CFAP61: variants seen among roughly 807,000 people sequenced by gnomAD.
CFAP61 encodes cilia and flagella associated protein 61.
Under a neutral mutation model 135.6 loss-of-function variants are expected in CFAP61, and 107 were observed. The ratio of observed to expected loss-of-function variants is 0.79; its 90% CI spans 0.67 to 0.93. The LOEUF (loss-of-function observed/expected upper bound fraction) is 0.93. CFAP61 is among the 40% of genes least tolerant of loss of function. The probability of loss-of-function intolerance (pLI) is 0.00; values close to 1 mark genes in which losing one functional copy is unlikely to be tolerated. For missense variants in CFAP61, 1,507 were observed against 1,556.2 expected (o/e 0.97, Z 0.53); for synonymous variants, 575 against 578.5 (o/e 0.99, Z 0.09).
intron 25 of CFAP61, among the ~76,000 whole-genome samples, chr20:20,331,867 G>A (rs1001430013): frequency 1.3e-5 from 2 of 152,208 alleles, no homozygotes; most frequent in African/African-American, 4.8e-5. Context: ...CTAATTAAAG[G>A]AAAATGGTTG....
chr20:20,332,759 C>T (rs558946393), intron 25 of CFAP61, among the ~76,000 whole-genome samples: 1 of 152,250 alleles, frequency 6.6e-6, no homozygotes, highest in East Asian at 1.9e-4. Flanking sequence ...GGACTACAGG[C>T]ACGCACCACC....
chr20:20,088,454 A>C (rs947593312), intron 6 of CFAP61, among the ~76,000 whole-genome samples: 1 of 152,194 alleles, frequency 6.6e-6, no homozygotes, highest in Non-Finnish European at 1.5e-5. Flanking sequence ...GGCAGCAAGA[A>C]AGAACAATGA....
intron 25 of CFAP61, among the ~76,000 whole-genome samples, chr20:20,324,224 A>G (rs1311170197): frequency 6.6e-6 from 1 of 152,200 alleles, no homozygotes; most frequent in African/African-American, 2.4e-5. Context: ...AGTAGGAAAG[A>G]TAGAAAATTG....
intron 26 of CFAP61, among the ~76,000 whole-genome samples, chr20:20,357,897 AGG>A (rs1468995167): frequency 5.4e-5 from 6 of 110,190 alleles, no homozygotes; most frequent in South Asian, 3.3e-4. Context: ...TCATAGTGTG[AGG>A]GGAGGTGGTC....
At chr20:20,056,139 C>A in intron 1 of CFAP61, 2 of 676,524 alleles carry the variant, frequency 3.0e-6, no homozygotes, top group Non-Finnish European at 5.1e-6. Context: ...CTATTGCGAG[C>A]ATTTCCTACA....
At chr20:20,118,305 CT>C (rs375138807) in intron 8 of CFAP61, among the ~76,000 whole-genome samples, 169 of 94,684 alleles carry the variant, frequency 1.8e-3, no homozygotes, top group African/African-American at 6.4e-3. Flanking sequence ...TTCTTTCTTT[CT>C]TTTCTTTCTT....
chr20:20,056,163 C>CT lies in CFAP61; in HGVS notation c.-36-449dup, dbSNP rs1454500964. On this transcript the variant is annotated intron_variant, in intron 1 of 26. Coordinates refer to ENST00000245957, the MANE Select transcript of CFAP61 (RefSeq NM_015585.4). ...GCATTTCCTACACTTAACCACAGAA[C>CT]TTTTTTGGTCTCAAAATATGTCTCA... 1.0e-5 allele frequency: 6 copies of CT among 601,578 alleles called. No homozygotes were observed. In the African/African-American group the frequency reaches 1.1e-4, roughly 11 times the overall value. The allele number at this position is 601,578 out of a possible 1,614,324, so 37.3% of individuals were successfully genotyped here.
chr20:20,080,857 C>T (rs189263042), intron 6 of CFAP61, among the ~76,000 whole-genome samples: 67 of 152,136 alleles, frequency 4.4e-4, no homozygotes, highest in Non-Finnish European at 7.9e-4. Context: ...CAAAAATTAA[C>T]TGGGCGTGGT....
chr20:20,126,007 GT>G (rs2050039289), intron 8 of CFAP61, among the ~76,000 whole-genome samples: 1 of 151,736 alleles, frequency 6.6e-6, no homozygotes, highest in African/African-American at 2.4e-5. Flanking sequence ...TTTAAAGTTT[GT>G]TTTGTCTGAT....
chr20:20,145,769 AC>A (rs2146760008), intron 9 of CFAP61, among the ~76,000 whole-genome samples: 1 of 152,346 alleles, frequency 6.6e-6, no homozygotes, highest in South Asian at 2.1e-4. Flanking sequence ...AACACAGAAT[AC>A]TATAAGAGAT....
chr20:20,314,391 C>CA (rs528868861), intron 25 of CFAP61, among the ~76,000 whole-genome samples: 4,352 of 58,750 alleles, frequency 0.074, 280 homozygotes, highest in African/African-American at 0.2. Context: ...GACCCCATCT[C>CA]AAAAAAAAAA....
chr20:20,282,763 A>G (rs1601802809), intron 22 of CFAP61, among the ~76,000 whole-genome samples: 2 of 152,094 alleles, frequency 1.3e-5, no homozygotes, highest in South Asian at 4.2e-4. Context: ...ACATGGTGAA[A>G]CCCTGTCTCC....
At chr20:20,087,243 A>G (rs1052402720) in intron 6 of CFAP61, among the ~76,000 whole-genome samples, 6 of 152,142 alleles carry the variant, frequency 3.9e-5, no homozygotes, top group African/African-American at 9.7e-5. Flanking sequence ...TCACCCAGGT[A>G]CTGAGCATAG....
Position 20,142,985 on chromosome 20 carries a change from G to A in CFAP61, c.951+37G>A, listed in dbSNP as rs757731222. On this transcript the variant is annotated intron_variant, in intron 9 of 26. Coordinates refer to ENST00000245957, the MANE Select transcript of CFAP61 (RefSeq NM_015585.4). ...TATCCCTCCATGCCTAGGGTGGGGG[G>A]ATGGGCCTGGGGGCTACCTGTGACA... 1.4e-5 allele frequency: 19 copies of A among 1,318,200 alleles called. No individual in the cohort carries two copies. In the East Asian group the frequency reaches 2.7e-4, roughly 19 times the overall value. 81.7% of individuals were successfully genotyped at this position (1,318,200 alleles called of 1,614,324 possible).
intron 6 of CFAP61, 95 bp downstream of exon 6, chr20:20,075,710 T>C: frequency 7.0e-7 from 1 of 1,418,782 alleles, no homozygotes. Context: ...TGACTATAGC[T>C]TAGATCAAAA....
chr20:20,136,627 A>T (rs2050952119), intron 8 of CFAP61, among the ~76,000 whole-genome samples: 1 of 152,190 alleles, frequency 6.6e-6, no homozygotes, highest in African/African-American at 2.4e-5. Context: ...ATCTGATAGG[A>T]TTCGAATTCC....
chr20:20,175,525 TTTTGTTTTGTTTTGTTTTG>T, intron 13 of CFAP61, among the ~76,000 whole-genome samples: 1 of 93,736 alleles, frequency 1.1e-5, no homozygotes, highest in African/African-American at 3.7e-5. Context: ...TTTTGTTTTG[TTTTGTTTTGTTTTGTTTTG>T]AGACAGAGTC....
At chr20:20,358,128 G>C (rs2059330420) in intron 26 of CFAP61, among the ~76,000 whole-genome samples, 1 of 133,144 alleles carries the variant, frequency 7.5e-6, no homozygotes. Flanking sequence ...AGGGGTGGTA[G>C]TCACACTGAG....
intron 22 of CFAP61, among the ~76,000 whole-genome samples, chr20:20,280,943 A>G (rs1377133922): frequency 2.6e-5 from 4 of 151,964 alleles, no homozygotes; most frequent in Admixed American, 2.0e-4. Flanking sequence ...GTTTTTTTTA[A>G]TTTGTGCTTT....
Sources: gnomAD v4.1 joint callset for allele counts (sites outside exome capture counted in the v4.1 genomes callset) on GRCh38, gnomAD v4.1.1 for gene constraint, MANE v1.5 for transcripts, NCBI Gene and HGNC (gene_info 2026-07-23, HGNC 2026-07-21) for gene names.